The following LRRFIP2 variants were observed in gnomAD, a reference collection of about 807,000 sequenced individuals.
The protein encoded by LRRFIP2 is leucine-rich repeat flightless-interacting protein 2.
Under a neutral mutation model 125.9 loss-of-function variants are expected in LRRFIP2, and 109 were observed. The ratio of observed to expected loss-of-function variants is 0.87; its 90% CI spans 0.74 to 1.01. LRRFIP2 has a LOEUF of 1.01. LRRFIP2 is among the 50% of genes least tolerant of loss of function. The probability of loss-of-function intolerance (pLI) is 0.00; values close to 1 mark genes in which losing one functional copy is unlikely to be tolerated. For missense variants in LRRFIP2, 850 were observed against 862.3 expected, an observed-to-expected ratio of 0.99 and a Z score of 0.18; for synonymous variants, 291 against 293.1, an observed-to-expected ratio of 0.99 and a Z score of 0.07.
In LRRFIP2 at chr3:37,108,659, T is replaced by G. The variant is rs1357865348; in HGVS notation, c.635A>C (p.Tyr212Ser). Residue 212 changes from tyrosine (Y) to serine (S), a missense_variant, in exon 12 of 28, where the codon TAT becomes TCT. Tyr to Ser is a moderately radical substitution (Grantham distance 144, BLOSUM62 -2). Coordinates refer to ENST00000336686, the MANE Select transcript of LRRFIP2 (RefSeq NM_006309.4). ...SLASLYNGGL[Y>S]NPYGPRTPSE... ...TACAGTTCGAGGACCATAAGGGTTA[T>G]ATAATCCACCATTGTACAATGATGC... is the stretch of plus-strand genomic sequence containing the variant. 6.2e-7 allele frequency: 1 copy of G among 1,610,586 alleles called. No individual in the cohort carries two copies. Among genetic ancestry groups the G allele is most frequent in the African/African-American group, 1.3e-5 (1 of 74,842 alleles).
chr3:37,145,899 ATGG>A (rs10575603), intron 2 of LRRFIP2, among the ~76,000 whole-genome samples: 4,985 of 152,278 alleles, frequency 0.033, 229 homozygotes, highest in African/African-American at 0.1. Flanking sequence ...TTTCTGTGCA[ATGG>A]TTTCCGCATC....
intron 2 of LRRFIP2, among the ~76,000 whole-genome samples, chr3:37,141,755 TAC>T (rs1274969636): frequency 6.6e-6 from 1 of 152,062 alleles, no homozygotes; most frequent in East Asian, 1.9e-4. Flanking sequence ...CGGCCACAGG[TAC>T]AGTCTCAGTA....
At chr3:37,164,078 C>T (rs552663866) in intron 1 of LRRFIP2, among the ~76,000 whole-genome samples, 1 of 152,114 alleles carries the variant, frequency 6.6e-6, no homozygotes, top group Non-Finnish European at 1.5e-5. Context: ...TGGATAGATA[C>T]ATAGATAGAT....
intron 18 of LRRFIP2, among the ~76,000 whole-genome samples, chr3:37,085,872 G>A (rs1251879660): frequency 6.6e-6 from 1 of 152,098 alleles, no homozygotes; most frequent in Non-Finnish European, 1.5e-5. Flanking sequence ...ATGAGCCACT[G>A]CGCCTGGCCC....
At chr3:37,102,415 A>G (rs904656196) in intron 15 of LRRFIP2, among the ~76,000 whole-genome samples, 2 of 152,072 alleles carry the variant, frequency 1.3e-5, no homozygotes, top group East Asian at 3.9e-4. Flanking sequence ...AGGGGGAAAA[A>G]GTTTTTTTTT....
chr3:37,121,938 C>T (rs1014757896), intron 4 of LRRFIP2, among the ~76,000 whole-genome samples: 11 of 143,486 alleles, frequency 7.7e-5, no homozygotes, highest in Admixed American at 2.8e-4. Flanking sequence ...TTTAATTATA[C>T]TTTAAGTTCT....
intron 1 of LRRFIP2, among the ~76,000 whole-genome samples, chr3:37,168,048 C>G (rs1183194898): frequency 2.0e-5 from 3 of 152,126 alleles, no homozygotes; most frequent in Admixed American, 2.0e-4. Context: ...GAAACTGGAA[C>G]CCTTGTGCAT....
At chr3:37,080,397 AAAAAT>A (rs1336482886) in intron 19 of LRRFIP2, among the ~76,000 whole-genome samples, 2 of 152,100 alleles carry the variant, frequency 1.3e-5, no homozygotes, top group Admixed American at 6.5e-5. Flanking sequence ...ACTCGTCTAA[AAAAAT>A]AAAATAAATA....
upstream of LRRFIP2, chr3:37,176,146 G>C (rs2150516593): frequency 6.6e-6 from 1 of 152,452 alleles, no homozygotes; most frequent in South Asian, 2.1e-4. Flanking sequence ...TGGGGCTATG[G>C]GCGAGGGGCG....
chr3:37,157,827 C>T (rs1210236925), intron 1 of LRRFIP2, among the ~76,000 whole-genome samples: 2 of 152,198 alleles, frequency 1.3e-5, no homozygotes, highest in Non-Finnish European at 2.9e-5. Context: ...ACTTACAACT[C>T]ATACTTTATA....
chr3:37,087,391 C>T (rs990539708), intron 18 of LRRFIP2, among the ~76,000 whole-genome samples: 4 of 152,012 alleles, frequency 2.6e-5, no homozygotes, highest in African/African-American at 9.7e-5. Flanking sequence ...ACATGAACAC[C>T]AGAATTTAAG....
At chr3:37,145,656 C>T (rs1398456932) in intron 2 of LRRFIP2, among the ~76,000 whole-genome samples, 4 of 152,136 alleles carry the variant, frequency 2.6e-5, no homozygotes, top group Admixed American at 2.6e-4. Context: ...TAATATCTAT[C>T]CTACTTAGCT....
rs569309396 is a variant in LRRFIP2, at chr3:37,070,346, T to G, written c.1464+2444A>C. On this transcript the variant is annotated intron_variant, in intron 21 of 27. Transcript: ENST00000336686. ...TCAGGCTGGTCTCGAACTCTTGACC[T>G]CAAGGGATCCACCCTCTTTGGCCTC... Among the ~76,000 whole-genome samples the G allele has an allele frequency of 3.3e-5, 5 of 151,128 alleles. No homozygotes were observed. In the East Asian group the frequency reaches 1.0e-3, roughly 31 times the overall value.
chr3:37,089,837 A>T (rs1170409330), intron 18 of LRRFIP2, among the ~76,000 whole-genome samples: 1 of 152,234 alleles, frequency 6.6e-6, no homozygotes, highest in East Asian at 1.9e-4. Context: ...CAAAAGTCGT[A>T]TCTCTAAAAC....
Position 37,055,125 on chromosome 3 carries a change from A to C in LRRFIP2, c.1911T>G (p.Leu637=). The C allele has an allele frequency of 6.3e-7, 1 of 1,597,650 alleles. No homozygotes were observed. Among genetic ancestry groups the C allele is most frequent in the East Asian group, 2.3e-5 (1 of 44,224 alleles). Residue 637 remains leucine, a synonymous_variant, in exon 26 of 28, where the codon CTT becomes CTG. Coordinates refer to ENST00000336686, the MANE Select transcript of LRRFIP2 (RefSeq NM_006309.4). ...NRQISEYKFK[L]SKAEQDITTL... The stretch of plus-strand genomic sequence containing the variant: ...TAGTTATATCCTGTTCTGCTTTTGA[A>C]AGCTTAAATTTGTATTCGCTAATTT...
intron 25 of LRRFIP2, among the ~76,000 whole-genome samples, chr3:37,057,820 A>G (rs1399461953): frequency 6.6e-6 from 1 of 152,244 alleles, no homozygotes; most frequent in Admixed American, 6.5e-5. Flanking sequence ...AATCACTAAC[A>G]AAGGCTAACT....
chr3:37,150,226 G>A (rs2095982471), intron 1 of LRRFIP2, among the ~76,000 whole-genome samples: 12 of 152,144 alleles, frequency 7.9e-5, no homozygotes. Flanking sequence ...ACTTTGGAAG[G>A]CCAAAGCAGG....
intron 2 of LRRFIP2, among the ~76,000 whole-genome samples, chr3:37,137,550 T>A (rs987127394): frequency 6.6e-6 from 1 of 152,210 alleles, no homozygotes; most frequent in Non-Finnish European, 1.5e-5. Context: ...AATACTATTC[T>A]AGTTCTCTGA....
intron 1 of LRRFIP2, among the ~76,000 whole-genome samples, chr3:37,157,334 T>C (rs1298408331): frequency 1.3e-5 from 2 of 152,142 alleles, no homozygotes; most frequent in Middle Eastern, 3.4e-3. Flanking sequence ...TCCCAACTAC[T>C]TGGAAGGCTG....
Sources: allele counts gnomAD v4.1 joint callset (sites outside exome capture counted in the v4.1 genomes callset), GRCh38; gene constraint gnomAD v4.1.1; transcripts MANE v1.5; gene names NCBI Gene and HGNC (gene_info 2026-07-23, HGNC 2026-07-21).